Variants in NCOA3 observed in about 807,000 individuals in gnomAD.
NCOA3 encodes the protein nuclear receptor coactivator 3, also known as CBP-interacting protein.
A neutral mutation model predicts 158.8 loss-of-function variants in NCOA3; 51 were observed. That is an observed-to-expected ratio of 0.32 (90% CI 0.26 to 0.41). NCOA3 has a LOEUF of 0.41. NCOA3 is among the 10% of genes least tolerant of loss of function. The pLI, the probability that NCOA3 is intolerant of heterozygous loss-of-function variation, is 1.00. For synonymous variants in NCOA3, 537 were observed against 592.4 expected, an observed-to-expected ratio of 0.91 and a Z score of 1.36; for missense variants, 1,510 against 1,746.6, an observed-to-expected ratio of 0.86 and a Z score of 2.41.
At chr20:47,506,314 C>T (rs1017077648) in intron 1 of NCOA3, among the ~76,000 whole-genome samples, 2 of 152,076 alleles carry the variant, frequency 1.3e-5, no homozygotes, top group South Asian at 2.1e-4. Context: ...GCAATTTATC[C>T]AGAGCCTAAC....
At chr20:47,529,600 G>A (rs1482327732) in intron 1 of NCOA3, among the ~76,000 whole-genome samples, 1 of 152,032 alleles carries the variant, frequency 6.6e-6, no homozygotes, top group African/African-American at 2.4e-5. Flanking sequence ...TTTAGTAGAG[G>A]TGGAGTTTTG....
chr20:47,576,907 T>C lies in NCOA3; in HGVS notation c.-98-6276T>C, dbSNP rs2085381252. On this transcript the variant is annotated intron_variant, in intron 1 of 22. Coordinates refer to ENST00000371998, the MANE Select transcript of NCOA3 (RefSeq NM_181659.3). ...ATCCTGCAGCACTGCATGCAGTTTT[T>C]CCAAAGTGGCAGGGAGAGAGAGGCA... Among the ~76,000 whole-genome samples the C allele has an allele frequency of 2.0e-5, 3 of 152,196 alleles. No individual in the cohort carries two copies. The South Asian group carries it at 6.2e-4, about 32-fold the overall frequency.
At position 47,642,470 on chromosome 20, in the gene NCOA3, C is replaced by T. The variant is rs1237802939; in HGVS notation, c.3252+86C>T. ...TTCATGAAGCCACATACAAGAATGCCTGTGTGTGTCTCTCCTAGTACTTGT... is the reference window on the plus strand; with the variant it reads ...TTCATGAAGCCACATACAAGAATGCTTGTGTGTGTCTCTCCTAGTACTTGT... On this transcript the variant is annotated intron_variant, in intron 17 of 22. Coordinates refer to ENST00000371998, the MANE Select transcript of NCOA3 (RefSeq NM_181659.3). 6.9e-6 allele frequency: 6 copies of T among 864,964 alleles called. No homozygotes were observed. The African/African-American group carries it at 8.6e-5, about 12-fold the overall frequency. The allele number at this position is 864,964 out of a possible 1,614,324, so 53.6% of individuals were successfully genotyped here.
intron 1 of NCOA3, among the ~76,000 whole-genome samples, chr20:47,517,769 A>G (rs6125038): frequency 6.6e-6 from 1 of 151,922 alleles, no homozygotes; most frequent in East Asian, 1.9e-4. Flanking sequence ...TTATTTTTCA[A>G]CTAGATTATA....
At position 47,542,009 on chromosome 20, in the gene NCOA3, G is replaced by GTTTTTTTTTTTTTTTTTTTTTT. The variant is rs755173294; in HGVS notation, c.-99+40011_-99+40012insTTTTTTTTTTTTTTTTTTTTTT. ...ATCAAATTATTTTTTGCCCTGTAGA[G>GTTTTTTTTTTTTTTTTTTTTTT]TTTTTTTTTTTTTTTTTTTTTGTTG... On this transcript the variant is annotated intron_variant, in intron 1 of 22. Transcript: ENST00000371998. Among the ~76,000 whole-genome samples the GTTTTTTTTTTTTTTTTTTTTTT allele has an allele frequency of 3.9e-4, 22 of 56,356 alleles. 2 individuals are homozygous for GTTTTTTTTTTTTTTTTTTTTTT. The highest frequency in any genetic ancestry group is 1.2e-3 in the African/African-American group (16 of 13,486). The allele number at this position is 56,356 out of a possible 152,430, so 37.0% of individuals were successfully genotyped here.
At chr20:47,644,543 G>T (rs1210303974) in intron 17 of NCOA3, among the ~76,000 whole-genome samples, 2 of 152,164 alleles carry the variant, frequency 1.3e-5, no homozygotes, top group Non-Finnish European at 2.9e-5. Flanking sequence ...CTTTTATCAA[G>T]TATCTGGTGA....
intron 1 of NCOA3, among the ~76,000 whole-genome samples, chr20:47,524,199 C>T (rs2084389557): frequency 6.6e-6 from 1 of 151,878 alleles, no homozygotes; most frequent in Admixed American, 6.6e-5. Context: ...TTAGGAATAC[C>T]ATGTGTTTGC....
At chr20:47,570,334 A>G (rs757834456) in intron 1 of NCOA3, among the ~76,000 whole-genome samples, 11 of 151,964 alleles carry the variant, frequency 7.2e-5, no homozygotes, top group Non-Finnish European at 1.6e-4. Context: ...CCAGCTCCTC[A>G]GGAAGCTGAG....
chr20:47,545,740 G>A (rs779398196), intron 1 of NCOA3, among the ~76,000 whole-genome samples: 2 of 151,132 alleles, frequency 1.3e-5, no homozygotes, highest in African/African-American at 2.4e-5. Flanking sequence ...ATGGAGACAC[G>A]GTCTCGGTCT....
chr20:47,517,353 TAATC>T (rs1301523442), intron 1 of NCOA3, among the ~76,000 whole-genome samples: 2 of 152,240 alleles, frequency 1.3e-5, no homozygotes, highest in African/African-American at 4.8e-5. Context: ...TATTCGCTAA[TAATC>T]CCAGTTGAAA....
intron 1 of NCOA3, among the ~76,000 whole-genome samples, chr20:47,560,009 C>A (rs1023616992): frequency 6.6e-6 from 1 of 152,206 alleles, no homozygotes; most frequent in Non-Finnish European, 1.5e-5. Context: ...TGGTCTCGAA[C>A]TGCTGGCCTC....
At chr20:47,526,401 A>G (rs1602347863) in intron 1 of NCOA3, among the ~76,000 whole-genome samples, 1 of 152,118 alleles carries the variant, frequency 6.6e-6, no homozygotes, top group Non-Finnish European at 1.5e-5. Flanking sequence ...TTGGGAGGCC[A>G]AGGCAGGCTG....
chr20:47,633,932 C>T (rs1273364998), intron 9 of NCOA3, 116 bp from the exon 10 acceptor site: 1 of 1,318,808 alleles, frequency 7.6e-7, no homozygotes. Flanking sequence ...GGTGCAGATC[C>T]AGTCTTTCCT....
intron 1 of NCOA3, among the ~76,000 whole-genome samples, chr20:47,570,190 G>A (rs906277594): frequency 6.6e-6 from 1 of 152,152 alleles, no homozygotes; most frequent in African/African-American, 2.4e-5. Context: ...TGGGTGTGGT[G>A]GCTCACACCT....
chr20:47,626,051 C>A (rs371036063), intron 5 of NCOA3, among the ~76,000 whole-genome samples: 18 of 152,332 alleles, frequency 1.2e-4, no homozygotes, highest in African/African-American at 4.1e-4. Context: ...TGGAACCAAC[C>A]TTACACAGAT....
At chr20:47,640,717 TAAA>T (rs1239786327) in intron 16 of NCOA3, among the ~76,000 whole-genome samples, 4 of 107,876 alleles carry the variant, frequency 3.7e-5, no homozygotes, top group Admixed American at 9.6e-5. Context: ...CTGTCTCTAC[TAAA>T]AAAAAAAAAA....
At chr20:47,557,694 A>G (rs926523892) in intron 1 of NCOA3, among the ~76,000 whole-genome samples, 1 of 152,206 alleles carries the variant, frequency 6.6e-6, no homozygotes, top group African/African-American at 2.4e-5. Flanking sequence ...TAGATAATTC[A>G]GTTTATTGAC....
Position 47,640,059 on chromosome 20 carries a change from G to A in NCOA3, c.3080+8G>A. The A allele has an allele frequency of 6.2e-7, 1 of 1,614,114 alleles. No homozygotes were observed. The highest frequency in any genetic ancestry group is 8.5e-7 in the Non-Finnish European group (1 of 1,179,992). ...TCATGGCACTCAAAATAGGTGGGGT[G>A]TTATTTTGTGACTCTGTAGAAAATC... On this transcript the variant is annotated splice_region_variant and intron_variant, in intron 16 of 22. Transcript: ENST00000371998.
intron 2 of NCOA3, among the ~76,000 whole-genome samples, chr20:47,591,035 A>G (rs2085625868): frequency 6.6e-6 from 1 of 151,130 alleles, no homozygotes; most frequent in Non-Finnish European, 1.5e-5. Context: ...CTTGAACCCC[A>G]GGGGGCAGAG....
Sources: allele counts gnomAD v4.1 joint callset (sites outside exome capture counted in the v4.1 genomes callset), GRCh38; gene constraint gnomAD v4.1.1; transcripts MANE v1.5; gene names NCBI Gene and HGNC (gene_info 2026-07-23, HGNC 2026-07-21).